Variants in CHIC1 observed in about 807,000 individuals in gnomAD.
CHIC1 encodes cysteine rich hydrophobic domain 1.
A neutral mutation model predicts 18.5 loss-of-function variants in CHIC1; 7 were observed. The observed-to-expected ratio is 0.38, with a 90% CI of 0.22 to 0.71. The LOEUF is 0.71. Ranked by LOEUF, CHIC1 falls within the 30% of genes least tolerant of loss-of-function variation. The pLI, the probability that CHIC1 is intolerant of heterozygous loss-of-function variation, is 0.49. For synonymous variants in CHIC1, 77 were observed against 73.5 expected (o/e 1.05, Z -0.25); for missense variants, 159 against 176.9 (o/e 0.90, Z 0.57).
rs554688957 is a variant in CHIC1 at position 73,679,457 on chromosome X, G to C, written c.564+75G>C. The C allele has an allele frequency of 2.3e-4, 164 of 705,848 alleles. 2 individuals are homozygous for C. The South Asian group carries it at 4.3e-3, about 19-fold the overall frequency. The allele number at this position is 705,848 out of a possible 1,213,427, so 58.2% of individuals were successfully genotyped here. A position where few individuals can be genotyped will look rare whatever the true frequency, so the allele number is the denominator to read the frequency against. On this transcript the variant is annotated intron_variant, in intron 4 of 5. Transcript: ENST00000373502. ...AAATTGAAAAATAAATACAAAATGG[G>C]AATTTTTAGGCCACAAAGGAATGGA...
rs1386424336 is a variant in CHIC1 at position 73,658,135 on chromosome X, A to G, written c.508-21191A>G. 8.2e-5 allele frequency among the ~76,000 whole-genome samples: 9 copies of G among 110,248 alleles called. No individual in the cohort carries two copies. The East Asian group carries it at 1.1e-3, about 14-fold the overall frequency. ...TATTAGGATGATGCTGGCTTCATCA[A>G]ATAAATTAGGGAGGAGTCTCTCCTT... On this transcript the variant is annotated intron_variant, in intron 3 of 5. Coordinates refer to ENST00000373502, the MANE Select transcript of CHIC1 (RefSeq NM_001039840.4).
chrX:73,636,397 G>T (rs1052470563), intron 3 of CHIC1, among the ~76,000 whole-genome samples: 1 of 110,998 alleles, frequency 9.0e-6, no homozygotes, highest in Non-Finnish European at 1.9e-5. Flanking sequence ...CAATCTTCCT[G>T]CTTTAGACTC....
At chrX:73,653,434 A>C (rs1287214285) in intron 3 of CHIC1, among the ~76,000 whole-genome samples, 1 of 112,103 alleles carries the variant, frequency 8.9e-6, no homozygotes, top group Non-Finnish European at 1.9e-5. Flanking sequence ...TCTGTTTTTT[A>C]TGCCAGTTTC....
At chrX:73,593,312 A>T (rs1323840252) in intron 3 of CHIC1, among the ~76,000 whole-genome samples, 1 of 111,085 alleles carries the variant, frequency 9.0e-6, no homozygotes, top group Non-Finnish European at 1.9e-5. Context: ...GATCCTTCTA[A>T]GTTTTGACTG....
chrX:73,566,559 A>G (rs1029738118), intron 1 of CHIC1, among the ~76,000 whole-genome samples: 2 of 111,309 alleles, frequency 1.8e-5, no homozygotes, highest in African/African-American at 6.5e-5. Context: ...AAAACAAAAT[A>G]AGACAAAAGC....
rs949416904 is a variant in CHIC1 at position 73,686,403 on chromosome X, TACAC to T, written c.*5404_*5407del. The T allele has an allele frequency of 4.5e-5, 5 of 111,428 alleles. No homozygotes were observed. Among genetic ancestry groups the T allele is most frequent in the Admixed American group, 2.9e-4 (3 of 10,446 alleles). 9.2% of individuals were successfully genotyped at this position (111,428 alleles called of 1,213,427 possible). A position where few individuals can be genotyped will look rare whatever the true frequency, so the allele number is the denominator to read the frequency against. On this transcript the variant is annotated 3_prime_UTR_variant, in exon 6 of 6. Coordinates refer to ENST00000373502, the MANE Select transcript of CHIC1 (RefSeq NM_001039840.4). ...TAGGTGTGTACATGTTGCTCATACA[TACAC>T]ACACATATAGGATTACAAATGTGGA... is the stretch of plus-strand genomic sequence containing the variant.
In CHIC1 at chrX:73,576,249, A is replaced by C. The variant is rs763228323; in HGVS notation, c.297-1158A>C. On this transcript the variant is annotated intron_variant, in intron 1 of 5. Coordinates refer to ENST00000373502, the MANE Select transcript of CHIC1 (RefSeq NM_001039840.4). ...ATAACAATAAAAAGTATACTATAGT[A>C]AATACATAAGCCAGTAACGGTCATT... Among the ~76,000 whole-genome samples, 5 of 110,847 alleles carry C rather than the reference A, an allele frequency of 4.5e-5. No individual in the cohort carries two copies. The East Asian group carries it at 8.5e-4, about 19-fold the overall frequency.
At chrX:73,654,984 C>T (rs182233999) in intron 3 of CHIC1, among the ~76,000 whole-genome samples, 2 of 110,093 alleles carry the variant, frequency 1.8e-5, no homozygotes, top group Admixed American at 1.9e-4. Context: ...GATGGTTTGC[C>T]GTGCAGATCA....
chrX:73,644,198 G>A (rs903385637), intron 3 of CHIC1, among the ~76,000 whole-genome samples: 8 of 111,951 alleles, frequency 7.1e-5, no homozygotes, highest in African/African-American at 1.6e-4. Flanking sequence ...GTAGAACAGC[G>A]GATATTGGTG....
chrX:73,679,764 A>G (rs2058088607), intron 5 of CHIC1, 51 bp downstream of exon 5: 1 of 680,697 alleles, frequency 1.5e-6, no homozygotes. Context: ...TAAATGTACC[A>G]TTTTCCTGTG....
chrX:73,576,534 A>G (rs889597055), intron 1 of CHIC1, among the ~76,000 whole-genome samples: 1 of 110,724 alleles, frequency 9.0e-6, no homozygotes, highest in African/African-American at 3.3e-5. Context: ...GCATGTGACT[A>G]TATTTACTTA....
rs971816878 is a variant in CHIC1, at chrX:73,664,203, T to C, written c.508-15123T>C. ...CACCTGATTACTTATGGGGTTGCTGTTTTTATCAATTTGGACCTGCATTGA... is the reference window on the plus strand; with the variant it reads ...CACCTGATTACTTATGGGGTTGCTGCTTTTATCAATTTGGACCTGCATTGA... On this transcript the variant is annotated intron_variant, in intron 3 of 5. Transcript: ENST00000373502. 2.7e-5 allele frequency among the ~76,000 whole-genome samples: 3 copies of C among 111,787 alleles called. No homozygotes were observed. In the Admixed American group the frequency reaches 2.8e-4, roughly 11 times the overall value.
chrX:73,616,124 G>C (rs954718670), intron 3 of CHIC1, among the ~76,000 whole-genome samples: 1 of 110,803 alleles, frequency 9.0e-6, no homozygotes, highest in African/African-American at 3.3e-5. Context: ...TGGGCTCTCA[G>C]TGTGCACCTT....
chrX:73,677,374 G>T (rs1045607867), intron 3 of CHIC1, among the ~76,000 whole-genome samples: 2 of 112,006 alleles, frequency 1.8e-5, no homozygotes, highest in Non-Finnish European at 3.8e-5. Flanking sequence ...GCTGTGGTGG[G>T]CTCCACCCAG....
Position 73,606,343 on chromosome X carries a change from A to G in CHIC1, c.507+21771A>G, listed in dbSNP as rs146591587. On this transcript the variant is annotated intron_variant, in intron 3 of 5. Coordinates refer to ENST00000373502, the MANE Select transcript of CHIC1 (RefSeq NM_001039840.4). ...GTTTTTCAACTCCATCAGCCCATTC[A>G]TCTTCTTCTCTAAACTGGTTATTCT... 3.9e-4 allele frequency among the ~76,000 whole-genome samples: 41 copies of G among 105,548 alleles called. No individual in the cohort carries two copies. The East Asian group carries it at 0.011, about 28-fold the overall frequency. 91.7% of individuals were successfully genotyped at this position (105,548 alleles called of 115,157 possible). A position where few individuals can be genotyped will look rare whatever the true frequency, so the allele number is the denominator to read the frequency against.
At chrX:73,640,646 G>GA (rs1316701126) in intron 3 of CHIC1, among the ~76,000 whole-genome samples, 1 of 111,557 alleles carries the variant, frequency 9.0e-6, no homozygotes, top group Non-Finnish European at 1.9e-5. Flanking sequence ...GTATAGAGGT[G>GA]TTTATAGTAC....
At chrX:73,636,428 G>A (rs1026447519) in intron 3 of CHIC1, among the ~76,000 whole-genome samples, 3 of 110,829 alleles carry the variant, frequency 2.7e-5, no homozygotes, top group Non-Finnish European at 5.7e-5. Context: ...GGAACTACAG[G>A]TACCCACTGC....
At chrX:73,613,486 A>C (rs2057718580) in intron 3 of CHIC1, among the ~76,000 whole-genome samples, 1 of 111,362 alleles carries the variant, frequency 9.0e-6, no homozygotes, top group Non-Finnish European at 1.9e-5. Context: ...ATGCTGGCTT[A>C]TCTTCCCCTT....
chrX:73,625,858 C>A (rs1290620992), intron 3 of CHIC1, among the ~76,000 whole-genome samples: 1 of 110,778 alleles, frequency 9.0e-6, no homozygotes, highest in African/African-American at 3.3e-5. Flanking sequence ...CTTTAACCCT[C>A]TCTGTTTCTA....
Sources: gnomAD v4.1 joint callset for allele counts (sites outside exome capture counted in the v4.1 genomes callset) on GRCh38, gnomAD v4.1.1 for gene constraint, MANE v1.5 for transcripts, NCBI Gene and HGNC (gene_info 2026-07-23, HGNC 2026-07-21) for gene names.